Variants in MBD5 observed in about 807,000 individuals in gnomAD.
The protein encoded by MBD5 is methyl-CpG-binding domain protein 5.
MBD5 carries 13 observed loss-of-function variants against 117.3 expected under a neutral mutation model. The ratio of observed to expected loss-of-function variants is 0.11; its 90% CI spans 0.07 to 0.18. The LOEUF (loss-of-function observed/expected upper bound fraction) is 0.18. Among genes scored for constraint, MBD5 ranks in the 10% least tolerant of loss-of-function variants. MBD5 has a pLI of 1.00. For missense variants in MBD5, 1,879 were observed against 2,093.8 expected (o/e 0.90, Z 2.00); for synonymous variants, 727 against 766.4 (o/e 0.95, Z 0.85).
At chr2:148,066,149 T>A (rs1008572412) in intron 1 of MBD5, among the ~76,000 whole-genome samples, 11 of 151,896 alleles carry the variant, frequency 7.2e-5, no homozygotes, top group African/African-American at 1.5e-4. Context: ...AAATTTTTTT[T>A]AAAAAAATGA....
chr2:148,351,956 C>T (rs1344732508), intron 4 of MBD5, among the ~76,000 whole-genome samples: 1 of 151,804 alleles, frequency 6.6e-6, no homozygotes, highest in African/African-American at 2.4e-5. Context: ...GCCCTTTGTA[C>T]CCTGTCTGGC....
chr2:148,451,991 A>G (rs374435673), intron 4 of MBD5, among the ~76,000 whole-genome samples: 3 of 152,306 alleles, frequency 2.0e-5, no homozygotes. Context: ...TCCACTGAGC[A>G]CAAGATCATT....
chr2:148,222,470 T>G (rs145532962), intron 2 of MBD5, among the ~76,000 whole-genome samples: 148 of 152,228 alleles, frequency 9.7e-4, no homozygotes, highest in African/African-American at 1.7e-3. Flanking sequence ...ACCATAGAGA[T>G]CTTTCACTTC....
intron 1 of MBD5, among the ~76,000 whole-genome samples, chr2:148,043,809 T>C (rs900006493): frequency 2.6e-5 from 4 of 152,240 alleles, no homozygotes; most frequent in African/African-American, 7.2e-5. Context: ...TCAGTACCTA[T>C]GATTTGCAAA....
intron 4 of MBD5, among the ~76,000 whole-genome samples, chr2:148,398,700 T>C (rs1407438958): frequency 6.6e-6 from 1 of 152,232 alleles, no homozygotes; most frequent in Non-Finnish European, 1.5e-5. Context: ...CCATTGCTTT[T>C]GGTGTTTTAG....
chr2:148,256,861 G>C (rs1336605665), intron 3 of MBD5, among the ~76,000 whole-genome samples: 2 of 152,218 alleles, frequency 1.3e-5, no homozygotes, highest in Non-Finnish European at 2.9e-5. Context: ...ACCTTTTGCA[G>C]CTCTGCTGCT....
At chr2:148,452,223 C>T (rs1983449) in intron 4 of MBD5, among the ~76,000 whole-genome samples, 129,719 of 152,190 alleles carry the variant, frequency 0.85, 56,449 homozygotes, top group East Asian at 1. Context: ...AAGCCAAGCA[C>T]GGTGGCTCGC....
chr2:148,441,392 G>T (rs2105400456), intron 4 of MBD5, among the ~76,000 whole-genome samples: 1 of 152,186 alleles, frequency 6.6e-6, no homozygotes, highest in South Asian at 2.1e-4. Flanking sequence ...TGCTGAGAAT[G>T]ATGGTTTCCA....
intron 4 of MBD5, among the ~76,000 whole-genome samples, chr2:148,430,340 A>G (rs888423044): frequency 6.6e-6 from 1 of 152,156 alleles, no homozygotes; most frequent in African/African-American, 2.4e-5. Flanking sequence ...GCAGACTAAG[A>G]TGTAATCCTA....
intron 1 of MBD5, chr2:148,044,805 T>G: frequency 6.6e-6 from 1 of 152,122 alleles, no homozygotes; most frequent in East Asian, 1.9e-4. Flanking sequence ...CTTATAAAAA[T>G]TTTTCATGTC....
chr2:148,229,076 AT>A (rs1159511901), intron 2 of MBD5, among the ~76,000 whole-genome samples: 2 of 151,358 alleles, frequency 1.3e-5, no homozygotes, highest in Non-Finnish European at 1.5e-5. Flanking sequence ...GGATTCATTG[AT>A]TTTTTTGAAG....
chr2:148,389,896 AT>A (rs936941118), intron 4 of MBD5, among the ~76,000 whole-genome samples: 1 of 151,032 alleles, frequency 6.6e-6, no homozygotes, highest in Non-Finnish European at 1.5e-5. Flanking sequence ...CTCTTTGTTG[AT>A]TTTTTCTTTT....
At chr2:148,415,185 C>A (rs1705380849) in intron 4 of MBD5, among the ~76,000 whole-genome samples, 1 of 152,092 alleles carries the variant, frequency 6.6e-6, no homozygotes. Context: ...CCTTAGCATT[C>A]ACTTGTCTGA....
Position 148,468,654 on chromosome 2 carries a change from C to T in MBD5, c.711C>T (p.Ile237=), listed in dbSNP as rs1270393033. Residue 237 remains isoleucine, a synonymous_variant, in exon 8 of 14, where the codon ATC becomes ATT. Transcript: ENST00000642680. ...CCCAGATATATGGAGATGGTTCAAT[C>T]TCTCCAAGGACTGACCCACTTGGAA... ...SGSQIYGDGS[I]SPRTDPLGSP... 1.9e-6 allele frequency: 3 copies of T among 1,613,902 alleles called. No homozygotes were observed. Among genetic ancestry groups the T allele is most frequent in the South Asian group, 2.2e-5 (2 of 91,068 alleles).
chr2:148,223,858 A>G (rs925469744), intron 2 of MBD5, among the ~76,000 whole-genome samples: 2 of 152,074 alleles, frequency 1.3e-5, no homozygotes. Flanking sequence ...GTAGGCACTT[A>G]TGGCCGTAAA....
chr2:148,377,451 T>C (rs558154989), intron 4 of MBD5, among the ~76,000 whole-genome samples: 2 of 152,300 alleles, frequency 1.3e-5, no homozygotes, highest in African/African-American at 2.4e-5. Context: ...TGACACTCAG[T>C]ATTAACCATC....
intron 4 of MBD5, among the ~76,000 whole-genome samples, chr2:148,457,129 A>C (rs904038122): frequency 6.6e-6 from 1 of 152,194 alleles, no homozygotes; most frequent in African/African-American, 2.4e-5. Flanking sequence ...TCAATTTAAT[A>C]CTTTCATAAG....
chr2:148,271,919 CCCATCGA>C (rs1304880820), intron 3 of MBD5, among the ~76,000 whole-genome samples: 1 of 152,156 alleles, frequency 6.6e-6, no homozygotes, highest in Admixed American at 6.5e-5. Context: ...AAATTCTGTA[CCCATCGA>C]CCAGCGTCTG....
At chr2:148,247,548 G>C (rs1223558886) in intron 3 of MBD5, among the ~76,000 whole-genome samples, 1 of 152,040 alleles carries the variant, frequency 6.6e-6, no homozygotes, top group African/African-American at 2.4e-5. Flanking sequence ...AGCTACCTAG[G>C]GACATTCTAA....
Sources: allele counts gnomAD v4.1 joint callset (sites outside exome capture counted in the v4.1 genomes callset), GRCh38; gene constraint gnomAD v4.1.1; transcripts MANE v1.5; gene names NCBI Gene and HGNC (gene_info 2026-07-23, HGNC 2026-07-21).